ERVMER34-1: variants seen among roughly 807,000 people sequenced by gnomAD.
The protein encoded by ERVMER34-1 is endogenous retroviral envelope protein HEMO.
For synonymous variants in ERVMER34-1, 199 were observed against 111.7 expected, an observed-to-expected ratio of 1.78 and a Z score of -4.93; for missense variants, 471 against 295.1, an observed-to-expected ratio of 1.60 and a Z score of -4.37.
At chr4:52,749,097 C>T (rs1487887628) in intron 2 of ERVMER34-1, among the ~76,000 whole-genome samples, 1 of 152,110 alleles carries the variant, frequency 6.6e-6, no homozygotes, top group African/African-American at 2.4e-5. Flanking sequence ...AACTTCTAAG[C>T]TCAAGTGATC....
intron 2 of ERVMER34-1, among the ~76,000 whole-genome samples, chr4:52,746,903 T>C (rs552411908): frequency 1.6e-3 from 247 of 152,294 alleles, no homozygotes; most frequent in African/African-American, 5.7e-3. Flanking sequence ...AAATTTTCTG[T>C]ATACTAATTA....
At chr4:52,748,503 T>TA (rs1306705942) in intron 2 of ERVMER34-1, among the ~76,000 whole-genome samples, 1 of 152,214 alleles carries the variant, frequency 6.6e-6, no homozygotes, top group African/African-American at 2.4e-5. Flanking sequence ...TTTGAACTGT[T>TA]ACCTACTTAG....
At position 52,744,022 on chromosome 4, in the gene ERVMER34-1, C is replaced by A; in HGVS notation, c.1499G>T (p.Cys500Phe). ...ATAGATTAAAACAAAGATGAATAAGCAGAAAAGAACAATTAAAAGCACATA... is the reference window on the plus strand; with the variant it reads ...ATAGATTAAAACAAAGATGAATAAGAAGAAAAGAACAATTAAAAGCACATA... ...WGYVLLIVLF[C>F]LFIFVLIYVR... Residue 500 changes from cysteine (C) to phenylalanine (F), a missense_variant, in exon 3 of 3, where the codon TGC (cysteine) becomes TTC (phenylalanine). Coordinates refer to ENST00000443173, the MANE Select transcript of ERVMER34-1 (RefSeq NM_001242690.2). 1.4e-6 allele frequency: 1 copy of A among 712,494 alleles called. No individual in the cohort carries two copies. The highest frequency in any genetic ancestry group is 2.5e-6 in the Non-Finnish European group (1 of 392,688). 44.1% of individuals were successfully genotyped at this position (712,494 alleles called of 1,614,324 possible). A position where few individuals can be genotyped will look rare whatever the true frequency, so the allele number is the denominator to read the frequency against.
At chr4:52,748,303 A>G (rs1030762939) in intron 2 of ERVMER34-1, 2 of 162,806 alleles carry the variant, frequency 1.2e-5, no homozygotes, top group Non-Finnish European at 2.7e-5. Flanking sequence ...ATATTTTTGC[A>G]TATCACATAT....
At chr4:52,749,591 T>G (rs2109417011) in intron 2 of ERVMER34-1, among the ~76,000 whole-genome samples, 1 of 152,174 alleles carries the variant, frequency 6.6e-6, no homozygotes, top group East Asian at 1.9e-4. Context: ...TCACCTGACG[T>G]CAGGAGTTTG....
At chr4:52,749,690 CT>C (rs1716238115) in intron 2 of ERVMER34-1, among the ~76,000 whole-genome samples, 1 of 152,108 alleles carries the variant, frequency 6.6e-6, no homozygotes, top group South Asian at 2.1e-4. Flanking sequence ...GTCTTCCCAG[CT>C]ACTCGGGGGA....
chr4:52,748,792 G>A (rs1414357694), intron 2 of ERVMER34-1, among the ~76,000 whole-genome samples: 1 of 152,190 alleles, frequency 6.6e-6, no homozygotes, highest in Non-Finnish European at 1.5e-5. Context: ...TGAAAACAAT[G>A]AGATAGCTGT....
rs1395621522 is a variant in ERVMER34-1 at position 52,744,799 on chromosome 4, TACA to T, written c.719_721del (p.Leu240_Tyr241delinsHis). 2 of 704,106 alleles carry T rather than the reference TACA, an allele frequency of 2.8e-6. No individual in the cohort carries two copies. Among genetic ancestry groups the T allele is most frequent in the African/African-American group, 1.7e-5 (1 of 57,376 alleles). 43.6% of individuals were successfully genotyped at this position (704,106 alleles called of 1,614,324 possible). ...GCAAAATAGGTTGCGAAATAGCTGG[TACA>T]GAAGGCCTTTGGTTTGGTTTTGGCA... On this transcript the variant is annotated inframe_deletion, in exon 3 of 3. Transcript: ENST00000443173.
At chr4:52,748,822 T>C (rs564079145) in intron 2 of ERVMER34-1, among the ~76,000 whole-genome samples, 1 of 152,318 alleles carries the variant, frequency 6.6e-6, no homozygotes, top group African/African-American at 2.4e-5. Flanking sequence ...AGGACAACTT[T>C]CTTCCTCTCA....
chr4:52,745,842 T>C lies in ERVMER34-1; in HGVS notation c.-322A>G, dbSNP rs532710163. On this transcript the variant is annotated 5_prime_UTR_variant, in exon 3 of 3. Coordinates refer to ENST00000443173, the MANE Select transcript of ERVMER34-1 (RefSeq NM_001242690.2). ...TACAAATTCAGGAATTTTATTTTGA[T>C]GACTATGTAGGTGGTTAGCAGTACT... 3.3e-6 allele frequency: 1 copy of C among 306,310 alleles called. No homozygotes were observed. The highest frequency in any genetic ancestry group is 5.6e-5 in the South Asian group (1 of 17,730). The allele number at this position is 306,310 out of a possible 1,614,324, so 19.0% of individuals were successfully genotyped here. A position where few individuals can be genotyped will look rare whatever the true frequency, so the allele number is the denominator to read the frequency against.
chr4:52,750,485 G>T (rs915633023), intron 2 of ERVMER34-1, among the ~76,000 whole-genome samples: 12 of 152,164 alleles, frequency 7.9e-5, no homozygotes, highest in African/African-American at 2.4e-4. Context: ...AGGCAAAAAT[G>T]GACTCCCTGT....
rs1716271624 is a variant in ERVMER34-1 at position 52,750,956 on chromosome 4, C to T, written c.-450G>A. 3 of 152,226 alleles carry T rather than the reference C, an allele frequency of 2.0e-5. No individual in the cohort carries two copies. The highest frequency in any genetic ancestry group is 6.5e-5 in the Admixed American group (1 of 15,284). 9.4% of individuals were successfully genotyped at this position (152,226 alleles called of 1,614,324 possible). The stretch of plus-strand genomic sequence containing the variant: ...TGCGCTTAAAACTGAGGCTGCCGCA[C>T]CTCCGCAGACGTAGACAACGAATTC... On this transcript the variant is annotated 5_prime_UTR_variant, in exon 2 of 3. The change creates a new upstream start codon in the 5' untranslated region. Coordinates refer to ENST00000443173, the MANE Select transcript of ERVMER34-1 (RefSeq NM_001242690.2).
At position 52,744,143 on chromosome 4, in the gene ERVMER34-1, G is replaced by A. The variant is rs1484982289; in HGVS notation, c.1378C>T (p.Arg460Cys). The change falls in exon 3 of 3, where the codon CGT (arginine) becomes TGT (cysteine). Residue 460 changes from arginine to cysteine, a missense_variant. Coordinates refer to ENST00000443173, the MANE Select transcript of ERVMER34-1 (RefSeq NM_001242690.2). ...YSEEIKSNIQ[R>C]LHEASENLKN... ...AGGTTCTCGGATGCTTCGTGGAGAC[G>A]CTGTATATTAGACTTTATTTCTTCC... The A allele has an allele frequency of 8.5e-6, 6 of 704,070 alleles. No homozygotes were observed. The highest frequency in any genetic ancestry group is 1.3e-5 in the Non-Finnish European group (5 of 384,990). The allele number at this position is 704,070 out of a possible 1,614,324, so 43.6% of individuals were successfully genotyped here.
chr4:52,748,173 A>G, intron 2 of ERVMER34-1: 1 of 246,400 alleles, frequency 4.1e-6, no homozygotes, highest in South Asian at 6.2e-5. Flanking sequence ...ATTAAGCAGA[A>G]GGGTTAAGTA....
At position 52,743,813 on chromosome 4, in the gene ERVMER34-1, G is replaced by C; in HGVS notation, c.*16C>G. On this transcript the variant is annotated 3_prime_UTR_variant, in exon 3 of 3. Transcript: ENST00000443173. Reference sequence around the variant, plus strand: ...CTAAGGCTTTTTGTCTGCAGCTGCTGTTTGTTCAGATATTCTCAAAGTAGA... The same window carrying C: ...CTAAGGCTTTTTGTCTGCAGCTGCTCTTTGTTCAGATATTCTCAAAGTAGA... 1 of 1,461,200 alleles carries C rather than the reference G, an allele frequency of 6.8e-7. No homozygotes were observed. Among genetic ancestry groups the C allele is most frequent in the Non-Finnish European group, 9.0e-7 (1 of 1,112,902 alleles). 90.5% of individuals were successfully genotyped at this position (1,461,200 alleles called of 1,614,324 possible).
rs969851683 is a variant in ERVMER34-1 at position 52,744,714 on chromosome 4, A to G, written c.807T>C (p.Asn269=). 13 of 704,022 alleles carry G rather than the reference A, an allele frequency of 1.8e-5. No individual in the cohort carries two copies. Among genetic ancestry groups the G allele is most frequent in the African/African-American group, 1.4e-4 (8 of 57,248 alleles). The allele number at this position is 704,022 out of a possible 1,614,324, so 43.6% of individuals were successfully genotyped here. Residue 269 remains asparagine (N), a synonymous_variant, in exon 3 of 3, where the codon AAT becomes AAC. Transcript: ENST00000443173. ...TCCGGTGTCCATCATGACCTTTGTC[A>G]TTAGTTATGCTGGCATCTGCACATC... ...KWRCADASIT[N]DKGHDGHRTP...
chr4:52,744,238 A>G lies in ERVMER34-1; in HGVS notation c.1283T>C (p.Ile428Thr). The G allele has an allele frequency of 1.4e-6, 1 of 704,174 alleles. No individual in the cohort carries two copies. The allele number at this position is 704,174 out of a possible 1,614,324, so 43.6% of individuals were successfully genotyped here. A position where few individuals can be genotyped will look rare whatever the true frequency, so the allele number is the denominator to read the frequency against. Residue 428 changes from isoleucine to threonine, a missense_variant, in exon 3 of 3, where the codon ATA (isoleucine) becomes ACA (threonine). Physicochemically the swap from Ile to Thr is moderately conservative, Grantham distance 89 (BLOSUM62 -1). Transcript: ENST00000443173. ...SASRKDHVLD[I>T]PTTQRQTACG... The stretch of plus-strand genomic sequence containing the variant: ...AGCCGTTTGTCGTTGGGTGGTCGGT[A>G]TATCCAAGACATGATCCTTTCGGGA...
At position 52,744,850 on chromosome 4, in the gene ERVMER34-1, C is replaced by T. The variant is rs1451903041; in HGVS notation, c.671G>A (p.Gly224Asp). ...GCAGCTATAGAGACAGGTGTCATTA[C>T]CTGACCAGGTCAATCCAGAATTTCG... ...VDRNSGLTWS[G>D]NDTCLYSCQN... is the part of the protein sequence containing the mutation. The change falls in exon 3 of 3, where the codon GGT (glycine) becomes GAT (aspartate). Residue 224 changes from glycine to aspartate, a missense_variant. By Grantham distance (94) the Gly-to-Asp change is moderately conservative (BLOSUM62 -1). Transcript: ENST00000443173. 2.8e-6 allele frequency: 2 copies of T among 703,938 alleles called. No individual in the cohort carries two copies. Among genetic ancestry groups the T allele is most frequent in the Non-Finnish European group, 5.2e-6 (2 of 385,018 alleles). 43.6% of individuals were successfully genotyped at this position (703,938 alleles called of 1,614,324 possible). A position where few individuals can be genotyped will look rare whatever the true frequency, so the allele number is the denominator to read the frequency against.
At position 52,743,899 on chromosome 4, in the gene ERVMER34-1, GT is replaced by G; in HGVS notation, c.1621del (p.Thr541LeufsTer10). On this transcript the variant is annotated frameshift_variant, in exon 3 of 3. Coordinates refer to ENST00000443173, the MANE Select transcript of ERVMER34-1 (RefSeq NM_001242690.2). LOFTEE classifies it low-confidence loss of function (END_TRUNC). ...QQSAQLLVSE[T>X]SCQVSNRAMK... is the part of the protein sequence containing the mutation. The stretch of plus-strand genomic sequence containing the variant: ...TGCCCTATTTGAAACTTGACATGAA[GT>G]TTCACTGACAAGGAGCTGTGCTGAT... 6.8e-7 allele frequency: 1 copy of G among 1,477,846 alleles called. No homozygotes were observed. The highest frequency in any genetic ancestry group is 9.1e-7 in the Non-Finnish European group (1 of 1,093,900). 91.5% of individuals were successfully genotyped at this position (1,477,846 alleles called of 1,614,324 possible).
Sources: allele counts gnomAD v4.1 joint callset (sites outside exome capture counted in the v4.1 genomes callset), GRCh38; gene constraint gnomAD v4.1.1; transcripts MANE v1.5; gene names NCBI Gene and HGNC (gene_info 2026-07-23, HGNC 2026-07-21).